The following MAPK10 variants were observed in gnomAD, a reference collection of about 807,000 sequenced individuals.
MAPK10 encodes JNK3 alpha protein kinase.
MAPK10 carries 25 observed loss-of-function variants against 59.3 expected under a neutral mutation model. The ratio of observed to expected loss-of-function variants is 0.42; its 90% CI spans 0.31 to 0.59. MAPK10 has a LOEUF of 0.59. Among genes scored for constraint, MAPK10 ranks in the 20% least tolerant of loss-of-function variants. The pLI is 0.15. For missense variants in MAPK10, 351 were observed against 568.9 expected (o/e 0.62, Z 3.90); for synonymous variants, 190 against 200.5 (o/e 0.95, Z 0.44).
intron 10 of MAPK10, among the ~76,000 whole-genome samples, chr4:86,067,385 A>T (rs1462587044): frequency 1.3e-5 from 2 of 151,944 alleles, no homozygotes; most frequent in Non-Finnish European, 2.9e-5. Flanking sequence ...TGACCTCTTG[A>T]TCCTCCCGCC....
chr4:86,570,321 A>T (rs1761359915), intron 1 of MAPK10, among the ~76,000 whole-genome samples: 1 of 152,182 alleles, frequency 6.6e-6, no homozygotes, highest in Non-Finnish European at 1.5e-5. Flanking sequence ...TTTACAGATA[A>T]ATATAAACAG....
chr4:86,062,705 C>T (rs924842612), intron 11 of MAPK10, among the ~76,000 whole-genome samples: 1 of 151,996 alleles, frequency 6.6e-6, no homozygotes, highest in African/African-American at 2.4e-5. Context: ...TGTTTATCAA[C>T]ATAACCTAAA....
rs539111577 is a variant in MAPK10, at chr4:86,423,770, C to CATATATATATATAT, written c.-122+29246_-122+29259dup. ...ATAAGTAATTAGTGGGATATATATA[C>CATATATATATATAT]ATATATATATATATATATATATATA... On this transcript the variant is annotated intron_variant, in intron 1 of 13. Transcript: ENST00000361569. 8.7e-5 allele frequency among the ~76,000 whole-genome samples: 8 copies of CATATATATATATAT among 91,600 alleles called. 1 individual carries two copies. The highest frequency in any genetic ancestry group is 1.9e-4 in the Non-Finnish European group (8 of 42,602). 60.1% of individuals were successfully genotyped at this position (91,600 alleles called of 152,430 possible).
intron 2 of MAPK10, among the ~76,000 whole-genome samples, chr4:86,287,099 A>G (rs1430853296): frequency 6.6e-6 from 1 of 152,218 alleles, no homozygotes; most frequent in Non-Finnish European, 1.5e-5. Flanking sequence ...ATAAGTGGAA[A>G]AAGGAGGAAC....
Position 86,187,455 on chromosome 4 carries a change from G to A in MAPK10, c.66+6881C>T, listed in dbSNP as rs115547067. On this transcript the variant is annotated intron_variant, in intron 3 of 13. Coordinates refer to ENST00000641462, the MANE Select transcript of MAPK10 (RefSeq NM_138982.4). ...ATTTCTTCACACTACTCAGAACAGC[G>A]TGCAATCTAAAACTCATGAGTTGTT... is the stretch of plus-strand genomic sequence containing the variant. Among the ~76,000 whole-genome samples, 623 of 152,146 alleles carry A rather than the reference G, an allele frequency of 4.1e-3. 6 individuals are homozygous for A. The highest frequency in any genetic ancestry group is 0.014 in the African/African-American group (597 of 41,522).
intron 1 of MAPK10, among the ~76,000 whole-genome samples, chr4:86,419,317 T>G (rs1485633958): frequency 6.6e-6 from 1 of 152,182 alleles, no homozygotes; most frequent in African/African-American, 2.4e-5. Flanking sequence ...GTAAAATAAT[T>G]AAAGCATTCA....
intron 3 of MAPK10, among the ~76,000 whole-genome samples, chr4:86,188,236 G>A (rs2078769043): frequency 6.6e-6 from 1 of 152,020 alleles, no homozygotes; most frequent in South Asian, 2.1e-4. Context: ...ATAGTTGAAT[G>A]ATTAGAATCC....
intron 2 of MAPK10, among the ~76,000 whole-genome samples, chr4:86,261,385 A>G (rs2093973924): frequency 6.6e-6 from 1 of 152,220 alleles, no homozygotes; most frequent in Non-Finnish European, 1.5e-5. Context: ...TACCCAAGTT[A>G]GGAACTTTAA....
At chr4:86,453,030 C>G (rs1750909463) in exon 1 of MAPK10, 1 of 152,228 alleles carries the variant, frequency 6.6e-6, no homozygotes, top group African/African-American at 2.4e-5. Context: ...CTGACCTTAC[C>G]TGGAGCTGAG....
intron 2 of MAPK10, among the ~76,000 whole-genome samples, chr4:86,207,451 C>T (rs541966983): frequency 3.2e-4 from 48 of 152,194 alleles, no homozygotes; most frequent in Admixed American, 1.8e-3. Context: ...TTACTGTAGC[C>T]TTGTAGGATA....
intron 1 of MAPK10, among the ~76,000 whole-genome samples, chr4:86,563,233 T>C (rs904921126): frequency 6.6e-6 from 1 of 152,186 alleles, no homozygotes; most frequent in African/African-American, 2.4e-5. Flanking sequence ...GGCTTAAATT[T>C]AATATGGAAG....
chr4:86,319,247 G>C (rs1211657251), intron 2 of MAPK10, among the ~76,000 whole-genome samples: 1 of 152,084 alleles, frequency 6.6e-6, no homozygotes, highest in Non-Finnish European at 1.5e-5. Flanking sequence ...CAAATTAACT[G>C]AGAAGGGTAA....
At chr4:86,586,408 T>C (rs1479307527) in intron 1 of MAPK10, among the ~76,000 whole-genome samples, 3 of 152,198 alleles carry the variant, frequency 2.0e-5, no homozygotes, top group Non-Finnish European at 4.4e-5. Flanking sequence ...CCTCTCTCTG[T>C]CTTTCACTCA....
chr4:86,569,636 C>G (rs1483974198), intron 1 of MAPK10, among the ~76,000 whole-genome samples: 1 of 151,972 alleles, frequency 6.6e-6, no homozygotes, highest in Admixed American at 6.6e-5. Context: ...GGAATAAAAC[C>G]ATGTCTTTTG....
chr4:86,337,007 T>C (rs1328106571), intron 2 of MAPK10, among the ~76,000 whole-genome samples: 1 of 152,048 alleles, frequency 6.6e-6, no homozygotes, highest in Non-Finnish European at 1.5e-5. Flanking sequence ...GCCAGGATGA[T>C]CTCAATCTCC....
chr4:86,134,725 C>T (rs1013257852), intron 4 of MAPK10, among the ~76,000 whole-genome samples: 1 of 152,226 alleles, frequency 6.6e-6, no homozygotes, highest in Admixed American at 6.5e-5. Context: ...CAGCTCCCAG[C>T]GTGAGCGACA....
chr4:86,281,743 C>T (rs978688276), intron 2 of MAPK10, among the ~76,000 whole-genome samples: 4 of 151,886 alleles, frequency 2.6e-5, no homozygotes, highest in Admixed American at 1.3e-4. Context: ...TTGCCCAGAA[C>T]ACAAGTTTTT....
At chr4:86,044,975 A>G (rs2148947976) in intron 11 of MAPK10, among the ~76,000 whole-genome samples, 1 of 152,314 alleles carries the variant, frequency 6.6e-6, no homozygotes, top group Admixed American at 6.5e-5. Context: ...ATAATGTGTT[A>G]TAAATGGAAA....
At chr4:86,034,126 T>C (rs1001517374) in intron 11 of MAPK10, among the ~76,000 whole-genome samples, 1 of 151,954 alleles carries the variant, frequency 6.6e-6, no homozygotes, top group Admixed American at 6.6e-5. Context: ...TTTAGGAGAG[T>C]TTAGCAGATA....
Sources: allele counts gnomAD v4.1 joint callset (sites outside exome capture counted in the v4.1 genomes callset), GRCh38; gene constraint gnomAD v4.1.1; transcripts MANE v1.5; gene names NCBI Gene and HGNC (gene_info 2026-07-23, HGNC 2026-07-21).